ABCA13: variants seen among roughly 807,000 people sequenced by gnomAD.
ABCA13 encodes the protein ATP binding cassette subfamily A member 13.
Under a neutral mutation model 478.7 loss-of-function variants are expected in ABCA13, and 476 were observed. That is an observed-to-expected ratio of 0.99 (90% CI 0.92 to 1.07). ABCA13 has a LOEUF of 1.07. Ranked by LOEUF, ABCA13 falls within the 50% of genes least tolerant of loss-of-function variation. ABCA13 has a pLI of 0.00. For missense variants in ABCA13, 6,060 were observed against 5,910.6 expected (o/e 1.03, Z -0.83); for synonymous variants, 2,252 against 2,158.9 (o/e 1.04, Z -1.20).
chr7:48,551,966 T>A (rs1336607524), intron 55 of ABCA13, among the ~76,000 whole-genome samples: 3 of 151,852 alleles, frequency 2.0e-5, no homozygotes, highest in Admixed American at 1.3e-4. Flanking sequence ...TATTTACATG[T>A]TTTATGTTCT....
At chr7:48,562,923 C>G (rs1293383418) in intron 55 of ABCA13, among the ~76,000 whole-genome samples, 2 of 151,208 alleles carry the variant, frequency 1.3e-5, no homozygotes, top group African/African-American at 4.9e-5. Context: ...ATGATGATGC[C>G]TTATAGCTTT....
intron 15 of ABCA13, among the ~76,000 whole-genome samples, chr7:48,254,341 G>A (rs1793058024): frequency 6.6e-6 from 1 of 151,982 alleles, no homozygotes; most frequent in African/African-American, 2.4e-5. Flanking sequence ...ATAGCTCACT[G>A]TAGCCTCGAA....
chr7:48,203,761 T>G (rs1784535807), intron 3 of ABCA13, among the ~76,000 whole-genome samples: 2 of 152,224 alleles, frequency 1.3e-5, no homozygotes, highest in Admixed American at 1.3e-4. Flanking sequence ...TCACTTCCCT[T>G]TCACTGTCTG....
intron 55 of ABCA13, among the ~76,000 whole-genome samples, chr7:48,538,099 C>CTTTTTTTTTTTTTTTTTTT (rs1563409461): frequency 8.3e-6 from 1 of 120,010 alleles, no homozygotes; most frequent in Non-Finnish European, 1.7e-5. Flanking sequence ...TTCTTTCTTT[C>CTTTTTTTTTTTTTTTTTTT]CTTTTTTTTT....
chr7:48,303,573 C>A (rs1226636801), intron 23 of ABCA13, among the ~76,000 whole-genome samples: 1 of 152,010 alleles, frequency 6.6e-6, no homozygotes, highest in African/African-American at 2.4e-5. Flanking sequence ...TATCTCAGCA[C>A]CATTTATTGA....
chr7:48,427,907 G>GCA, intron 42 of ABCA13, 36 bp downstream of exon 42: 1 of 1,394,356 alleles, frequency 7.2e-7, no homozygotes, highest in Non-Finnish European at 9.9e-7. Flanking sequence ...TTCTGCTGGA[G>GCA]GAACAATGAC....
chr7:48,632,462 C>T (rs971736057), intron 59 of ABCA13, among the ~76,000 whole-genome samples: 4 of 151,900 alleles, frequency 2.6e-5, no homozygotes, highest in Non-Finnish European at 4.4e-5. Context: ...TTGTGGTTTT[C>T]GTGTCATATC....
At chr7:48,353,873 G>C (rs1809456530) in intron 31 of ABCA13, among the ~76,000 whole-genome samples, 1 of 152,016 alleles carries the variant, frequency 6.6e-6, no homozygotes, top group Non-Finnish European at 1.5e-5. Flanking sequence ...TTGTTAGGCA[G>C]ACTGTTAGTA....
At chr7:48,472,888 T>C (rs1299288181) in intron 45 of ABCA13, among the ~76,000 whole-genome samples, 2 of 152,164 alleles carry the variant, frequency 1.3e-5, no homozygotes, top group East Asian at 3.9e-4. Flanking sequence ...TTTTTATTAA[T>C]CCATTTTCAT....
intron 42 of ABCA13, among the ~76,000 whole-genome samples, chr7:48,431,770 C>T (rs1822180498): frequency 6.6e-6 from 1 of 152,156 alleles, no homozygotes; most frequent in African/African-American, 2.4e-5. Context: ...TTGTATTCTT[C>T]CTGGTCTTTT....
chr7:48,330,797 T>G (rs1805272963), intron 27 of ABCA13, among the ~76,000 whole-genome samples: 1 of 151,670 alleles, frequency 6.6e-6, no homozygotes, highest in African/African-American at 2.4e-5. Context: ...ATTAATCCAT[T>G]TATTCATCTA....
In ABCA13 at chr7:48,279,281, C is replaced by T. The variant is rs1312643569; in HGVS notation, c.8087C>T (p.Pro2696Leu). The T allele has an allele frequency of 6.3e-7, 1 of 1,588,498 alleles. No individual in the cohort carries two copies. Among genetic ancestry groups the T allele is most frequent in the South Asian group, 1.1e-5 (1 of 87,836 alleles). Residue 2696 changes from proline (P) to leucine (L), a missense_variant, in exon 18 of 62, where the codon CCT becomes CTT. Around this residue, in one of 3 missense-constraint regions of ABCA13, gnomAD observed 4,423 missense variants for 4,309.1 expected, o/e 1.03. Coordinates refer to ENST00000435803, the MANE Select transcript of ABCA13 (RefSeq NM_152701.5). ...NITNQMDFLY[P>L]NPISTHSGPQ... ...ACCAACCAAATGGACTTCTTATACC[C>T]TAATCCAATTTCCACTCATAGTGGC...
At chr7:48,205,443 G>A (rs1031123011) in intron 3 of ABCA13, among the ~76,000 whole-genome samples, 2 of 152,098 alleles carry the variant, frequency 1.3e-5, no homozygotes, top group African/African-American at 4.8e-5. Flanking sequence ...TCTGCGTCTG[G>A]CTTCTCCAAC....
chr7:48,409,819 C>T (rs1374387553), intron 39 of ABCA13, among the ~76,000 whole-genome samples: 2 of 151,626 alleles, frequency 1.3e-5, no homozygotes. Context: ...AGGGTTCACA[C>T]TTGTAATGCC....
At chr7:48,328,982 A>G (rs1240684362) in intron 27 of ABCA13, among the ~76,000 whole-genome samples, 3 of 152,194 alleles carry the variant, frequency 2.0e-5, no homozygotes, top group African/African-American at 7.2e-5. Context: ...ATCTATCAAT[A>G]CTACAAAGAC....
chr7:48,584,920 C>G (rs1194811046), intron 56 of ABCA13, among the ~76,000 whole-genome samples: 2 of 152,134 alleles, frequency 1.3e-5, no homozygotes, highest in Admixed American at 6.5e-5. Flanking sequence ...ATAAAGCTTT[C>G]TAACAGGGTC....
intron 42 of ABCA13, among the ~76,000 whole-genome samples, chr7:48,442,371 C>G (rs1157329697): frequency 6.6e-6 from 1 of 152,100 alleles, no homozygotes; most frequent in Non-Finnish European, 1.5e-5. Flanking sequence ...TCTGATTTGC[C>G]CAAACCCTCA....
chr7:48,178,373 T>C (rs1046795407), intron 1 of ABCA13, among the ~76,000 whole-genome samples: 1 of 152,102 alleles, frequency 6.6e-6, no homozygotes, highest in Admixed American at 6.5e-5. Flanking sequence ...ATTGCCTGAG[T>C]TTAAGAATGT....
intron 47 of ABCA13, among the ~76,000 whole-genome samples, chr7:48,488,647 T>A (rs1177361531): frequency 1.3e-5 from 2 of 152,224 alleles, no homozygotes; most frequent in African/African-American, 4.8e-5. Context: ...TTCATTTTTA[T>A]TAAAATATTG....
Sources: allele counts gnomAD v4.1 joint callset (sites outside exome capture counted in the v4.1 genomes callset), GRCh38; gene constraint gnomAD v4.1.1; regional missense constraint gnomAD v4.1.1; transcripts MANE v1.5; gene names NCBI Gene and HGNC (gene_info 2026-07-23, HGNC 2026-07-21).